STIMATE: variants seen among roughly 807,000 people sequenced by gnomAD.
The protein encoded by STIMATE is STIM activating enhancer.
In STIMATE, 15 loss-of-function variants were observed where a neutral mutation model predicts 36.7. That is an observed-to-expected ratio of 0.41 (90% CI 0.27 to 0.63). The LOEUF is 0.63. Among genes scored for constraint, STIMATE ranks in the 20% least tolerant of loss-of-function variants. The pLI is 0.32. For synonymous variants in STIMATE, 163 were observed against 162.3 expected, an observed-to-expected ratio of 1.00 and a Z score of -0.03; for missense variants, 305 against 397.3, an observed-to-expected ratio of 0.77 and a Z score of 1.98.
chr3:52,884,107 T>C (rs1222978104), intron 1 of STIMATE, among the ~76,000 whole-genome samples: 1 of 152,226 alleles, frequency 6.6e-6, no homozygotes, highest in African/African-American at 2.4e-5. Context: ...CCCCTTTCTC[T>C]TCTAAAACAA....
intron 4 of STIMATE, among the ~76,000 whole-genome samples, chr3:52,847,751 C>A (rs775005613): frequency 3.9e-5 from 6 of 152,146 alleles, no homozygotes; most frequent in Non-Finnish European, 8.8e-5. Flanking sequence ...GGAATTGAGG[C>A]TGCAAATGGA....
At chr3:52,860,016 T>A (rs538508350) in intron 1 of STIMATE, among the ~76,000 whole-genome samples, 19 of 149,194 alleles carry the variant, frequency 1.3e-4, no homozygotes, top group African/African-American at 4.4e-4. Context: ...CTCCTTCCTC[T>A]CCACCTCCTA....
intron 1 of STIMATE, among the ~76,000 whole-genome samples, chr3:52,889,994 C>T (rs1438002669): frequency 2.6e-5 from 4 of 152,200 alleles, no homozygotes; most frequent in African/African-American, 9.7e-5. Context: ...CCCTCTCCAG[C>T]GCTGGTCTCT....
intron 1 of STIMATE, among the ~76,000 whole-genome samples, chr3:52,874,405 T>TAC (rs200401606): frequency 1.3e-5 from 2 of 152,098 alleles, no homozygotes; most frequent in East Asian, 1.9e-4. Context: ...CAACAAAAGA[T>TAC]ACACACACAC....
intron 1 of STIMATE, among the ~76,000 whole-genome samples, chr3:52,877,896 C>T (rs1701528599): frequency 6.6e-6 from 1 of 152,086 alleles, no homozygotes; most frequent in Admixed American, 6.6e-5. Context: ...GAGATCGAGA[C>T]CATCCTGGGT....
At chr3:52,865,921 C>T (rs554824884) in intron 1 of STIMATE, among the ~76,000 whole-genome samples, 12 of 149,542 alleles carry the variant, frequency 8.0e-5, no homozygotes, top group East Asian at 2.0e-4. Context: ...GGACACAAAC[C>T]GTCACATGCT....
chr3:52,890,848 C>A (rs562529462), intron 1 of STIMATE, among the ~76,000 whole-genome samples: 1 of 152,292 alleles, frequency 6.6e-6, no homozygotes, highest in South Asian at 2.1e-4. Flanking sequence ...TAAAGGGACT[C>A]CGTGCTGCCT....
intron 7 of STIMATE, 90 bp from the exon 8 acceptor site, chr3:52,840,700 G>GTTTTT: frequency 7.5e-6 from 6 of 796,956 alleles, no homozygotes; most frequent in East Asian, 3.3e-5. Context: ...CAAGTCTCAT[G>GTTTTT]TTTTTTTTTT....
At chr3:52,893,768 A>G (rs764115170) in intron 1 of STIMATE, among the ~76,000 whole-genome samples, 11 of 152,250 alleles carry the variant, frequency 7.2e-5, no homozygotes, top group Non-Finnish European at 1.3e-4. Context: ...TAACAAAAAT[A>G]GGCAGGCAGA....
intron 1 of STIMATE, chr3:52,895,897 C>T (rs767366463): frequency 5.0e-5 from 65 of 1,289,638 alleles, no homozygotes; most frequent in Middle Eastern, 4.2e-4. Context: ...AAAACACACA[C>T]GTACAGTACA....
Position 52,843,707 on chromosome 3 carries a change from A to C in STIMATE, c.618+14T>G. 6.2e-7 allele frequency: 1 copy of C among 1,614,044 alleles called. No individual in the cohort carries two copies. The highest frequency in any genetic ancestry group is 1.1e-5 in the South Asian group (1 of 91,066). On this transcript the variant is annotated intron_variant, in intron 6 of 7. Transcript: ENST00000355083. ...AGGGAGCAAATCGGGATAAAAATGCAACATGGCACTGACGTTGACAAAGAA... is the reference window on the plus strand; with the variant it reads ...AGGGAGCAAATCGGGATAAAAATGCCACATGGCACTGACGTTGACAAAGAA...
At chr3:52,862,143 T>C (rs1701227981) in intron 1 of STIMATE, among the ~76,000 whole-genome samples, 1 of 152,214 alleles carries the variant, frequency 6.6e-6, no homozygotes, top group Non-Finnish European at 1.5e-5. Context: ...CTGCATAGAA[T>C]GGAAGTGTCC....
intron 1 of STIMATE, among the ~76,000 whole-genome samples, chr3:52,869,652 C>T (rs1701369975): frequency 6.6e-6 from 1 of 152,220 alleles, no homozygotes; most frequent in African/African-American, 2.4e-5. Flanking sequence ...AGGAGGGATA[C>T]AGAGACCTTA....
intron 1 of STIMATE, among the ~76,000 whole-genome samples, chr3:52,896,612 C>A (rs1701869473): frequency 6.6e-6 from 1 of 152,060 alleles, no homozygotes; most frequent in Admixed American, 6.5e-5. Context: ...GCTATAGATG[C>A]GGCTTATTAG....
chr3:52,845,231 G>A (rs1036056242), intron 4 of STIMATE, among the ~76,000 whole-genome samples: 2 of 152,258 alleles, frequency 1.3e-5, no homozygotes, highest in Non-Finnish European at 2.9e-5. Context: ...CATTGCTGGA[G>A]CTCAGAAAAG....
chr3:52,863,392 T>C (rs1477208124), intron 1 of STIMATE, among the ~76,000 whole-genome samples: 1 of 152,144 alleles, frequency 6.6e-6, no homozygotes, highest in Non-Finnish European at 1.5e-5. Flanking sequence ...GTGAGACTTA[T>C]TCACTACCAC....
At chr3:52,862,715 G>A (rs2336660) in intron 1 of STIMATE, among the ~76,000 whole-genome samples, 145,314 of 152,306 alleles carry the variant, frequency 0.95, 69,699 homozygotes, top group Middle Eastern at 1. Flanking sequence ...GGTGTCCTAC[G>A]TGGTATGTCC....
At chr3:52,863,602 C>T (rs1171816955) in intron 1 of STIMATE, among the ~76,000 whole-genome samples, 2 of 12,630 alleles carry the variant, frequency 1.6e-4, no homozygotes, top group Non-Finnish European at 0.017. Context: ...CTTAACAGTC[C>T]CCCAAAAGTC....
At chr3:52,865,366 T>C (rs1029432620) in intron 1 of STIMATE, among the ~76,000 whole-genome samples, 1 of 152,228 alleles carries the variant, frequency 6.6e-6, no homozygotes, top group Non-Finnish European at 1.5e-5. Context: ...CATTTTTGGG[T>C]ATCTTTTCAG....
Sources: gnomAD v4.1 joint callset for allele counts (sites outside exome capture counted in the v4.1 genomes callset) on GRCh38, gnomAD v4.1.1 for gene constraint, MANE v1.5 for transcripts, NCBI Gene and HGNC (gene_info 2026-07-23, HGNC 2026-07-21) for gene names.